RWDD1: variants seen among roughly 807,000 people sequenced by gnomAD.
RWDD1 encodes the protein RWD domain-containing protein 1.
Under a neutral mutation model 31.6 loss-of-function variants are expected in RWDD1, and 17 were observed. The observed-to-expected ratio is 0.54, with a 90% CI of 0.37 to 0.81. RWDD1 has a LOEUF of 0.81. Ranked by LOEUF, RWDD1 falls within the 30% of genes least tolerant of loss-of-function variation. The probability of loss-of-function intolerance (pLI) is 0.00; values close to 1 mark genes in which losing one functional copy is unlikely to be tolerated. For synonymous variants in RWDD1, 78 were observed against 94.2 expected (o/e 0.83, Z 0.99); for missense variants, 204 against 274.5 (o/e 0.74, Z 1.82).
In RWDD1 at chr6:116,571,611, A is replaced by G; in HGVS notation, c.29A>G (p.Asn10Ser). 6.2e-7 allele frequency: 1 copy of G among 1,613,732 alleles called. No individual in the cohort carries two copies. Among genetic ancestry groups the G allele is most frequent in the Non-Finnish European group, 8.5e-7 (1 of 1,179,902 alleles). ...ACAGATTACGGCGAGGAGCAGCGCA[A>G]CGAGCTGGAGGCCCTGGAGTCCATC... MTDYGEEQRNELEALESIYP... is the reference protein window; with the variant it reads MTDYGEEQRSELEALESIYP... The change falls in exon 1 of 7, where the codon AAC (asparagine) becomes AGC (serine). Residue 10 changes from asparagine (N) to serine (S), a missense_variant. Transcript: ENST00000466444.
chr6:116,587,103 G>A (rs577538878), intron 3 of RWDD1, among the ~76,000 whole-genome samples: 1 of 152,236 alleles, frequency 6.6e-6, no homozygotes. Flanking sequence ...TATTGGATAT[G>A]AAAGTTTTGT....
In RWDD1 at chr6:116,590,846, A is replaced by T. The variant is rs769809624; in HGVS notation, c.548-42A>T. The stretch of plus-strand genomic sequence containing the variant: ...AGTATTGTAGTGAAAATGGAGAAAA[A>T]CTATGCCATTTGAATTAAACATACT... On this transcript the variant is annotated intron_variant, in intron 5 of 6. Coordinates refer to ENST00000466444, the MANE Select transcript of RWDD1 (RefSeq NM_015952.4). The T allele has an allele frequency of 2.6e-6, 4 of 1,546,080 alleles. No individual in the cohort carries two copies. In the African/African-American group the frequency reaches 4.3e-5, roughly 17 times the overall value.
Position 116,571,517 on chromosome 6 carries a change from A to G in RWDD1, c.-66A>G. ...CCGCCGCCCGCTCTCCCGGCGCGGCAGCTGTCTGGGCTGCTGCGCGCCGCC... is the reference window on the plus strand; with the variant it reads ...CCGCCGCCCGCTCTCCCGGCGCGGCGGCTGTCTGGGCTGCTGCGCGCCGCC... On this transcript the variant is annotated 5_prime_UTR_variant, in exon 1 of 7. Coordinates refer to ENST00000466444, the MANE Select transcript of RWDD1 (RefSeq NM_015952.4). The G allele has an allele frequency of 6.6e-7, 1 of 1,510,142 alleles. No homozygotes were observed. The highest frequency in any genetic ancestry group is 1.2e-5 in the South Asian group (1 of 81,396). 93.5% of individuals were successfully genotyped at this position (1,510,142 alleles called of 1,614,324 possible). A position where few individuals can be genotyped will look rare whatever the true frequency, so the allele number is the denominator to read the frequency against.
chr6:116,584,308 T>A (rs571826342), intron 2 of RWDD1, among the ~76,000 whole-genome samples: 1 of 152,222 alleles, frequency 6.6e-6, no homozygotes, highest in Non-Finnish European at 1.5e-5. Context: ...TGGATTCAAA[T>A]ATAGATTCGA....
rs1377159490 is a variant in RWDD1 at position 116,596,917 on chromosome 6, A to G, written c.*3816A>G. The G allele has an allele frequency of 6.6e-6, 1 of 152,084 alleles. No homozygotes were observed. Among genetic ancestry groups the G allele is most frequent in the African/African-American group, 2.4e-5 (1 of 41,412 alleles). 9.4% of individuals were successfully genotyped at this position (152,084 alleles called of 1,614,324 possible). ...ATTTTAATATTCTGGCCAGCACCTTATCCATTTGTAGCCACGCCAACAAAT... is the reference window on the plus strand; with the variant it reads ...ATTTTAATATTCTGGCCAGCACCTTGTCCATTTGTAGCCACGCCAACAAAT... On this transcript the variant is annotated 3_prime_UTR_variant, in exon 7 of 7. Transcript: ENST00000466444.
chr6:116,573,421 A>G (rs1774782907), intron 1 of RWDD1, among the ~76,000 whole-genome samples: 1 of 152,218 alleles, frequency 6.6e-6, no homozygotes, highest in African/African-American at 2.4e-5. Context: ...GCATTATCAG[A>G]TGAGCCATCT....
chr6:116,589,049 G>GT (rs3830940), intron 4 of RWDD1, 64 bp downstream of exon 4: 1,016 of 1,139,342 alleles, frequency 8.9e-4, no homozygotes, highest in East Asian at 1.4e-3. Context: ...GCTTGGTTGG[G>GT]TTTTTTTTTA....
chr6:116,572,013 T>G (rs985562507), intron 1 of RWDD1, among the ~76,000 whole-genome samples: 26 of 152,134 alleles, frequency 1.7e-4, no homozygotes, highest in African/African-American at 6.0e-4. Context: ...GCAAGAATGT[T>G]AGTTTTCACA....
rs963224457 is a variant in RWDD1 at position 116,597,500 on chromosome 6, G to T, written c.*4399G>T. On this transcript the variant is annotated 3_prime_UTR_variant, in exon 7 of 7. Coordinates refer to ENST00000466444, the MANE Select transcript of RWDD1 (RefSeq NM_015952.4). ...TTCATCTCCCTGCATAAAGATGAAGGGTATTTAGCTCTGAAAATCCTTTAC... is the reference window on the plus strand; with the variant it reads ...TTCATCTCCCTGCATAAAGATGAAGTGTATTTAGCTCTGAAAATCCTTTAC... 2.6e-5 allele frequency: 4 copies of T among 151,896 alleles called. No individual in the cohort carries two copies. Among genetic ancestry groups the T allele is most frequent in the African/African-American group, 9.7e-5 (4 of 41,322 alleles). The allele number at this position is 151,896 out of a possible 1,614,324, so 9.4% of individuals were successfully genotyped here.
At chr6:116,580,898 C>T (rs1445168970) in intron 2 of RWDD1, among the ~76,000 whole-genome samples, 1 of 152,034 alleles carries the variant, frequency 6.6e-6, no homozygotes, top group Non-Finnish European at 1.5e-5. Flanking sequence ...GGAATGGTAT[C>T]TGAAGTTTAT....
At position 116,584,834 on chromosome 6, in the gene RWDD1, A is replaced by G; in HGVS notation, c.247A>G (p.Ile83Val). The G allele has an allele frequency of 3.1e-6, 5 of 1,590,924 alleles. No individual in the cohort carries two copies. The highest frequency in any genetic ancestry group is 4.3e-6 in the Non-Finnish European group (5 of 1,159,238). Residue 83 changes from isoleucine (I) to valine (V), a missense_variant, in exon 3 of 7, where the codon ATT becomes GTT. By Grantham distance (29) the Ile-to-Val change is conservative. Coordinates refer to ENST00000466444, the MANE Select transcript of RWDD1 (RefSeq NM_015952.4). ...TCTAGAAGATAATGATGTCTCAGAC[A>G]TTTTAAAATTACTAGCATTACAGGT... The part of the protein sequence containing the change: ...ENLEDNDVSD[I>V]LKLLALQAEE...
rs1277133193 is a variant in RWDD1 at position 116,590,380 on chromosome 6, C to A, written c.523C>A (p.Gln175Lys). 6.3e-7 allele frequency: 1 copy of A among 1,594,546 alleles called. No individual in the cohort carries two copies. The highest frequency in any genetic ancestry group is 8.5e-7 in the Non-Finnish European group (1 of 1,173,918). Reference protein sequence around the residue: ...IKKKRMKEEEQAGKNKLSGKQ... With the variant: ...IKKKRMKEEEKAGKNKLSGKQ... ...AAAGAAAAGGATGAAAGAAGAAGAA[C>A]AAGCAGGAAAAAATAAATTAAGTGG... is the stretch of plus-strand genomic sequence containing the variant. The change falls in exon 5 of 7, where the codon CAA becomes AAA. Residue 175 changes from glutamine (Q) to lysine (K), a missense_variant. By Grantham distance (53) the Gln-to-Lys change is moderately conservative (BLOSUM62 1). Coordinates refer to ENST00000466444, the MANE Select transcript of RWDD1 (RefSeq NM_015952.4).
chr6:116,583,660 T>G (rs542922979), intron 2 of RWDD1, among the ~76,000 whole-genome samples: 13 of 152,260 alleles, frequency 8.5e-5, no homozygotes, highest in African/African-American at 2.6e-4. Flanking sequence ...TATACAATTT[T>G]TATTTGTCAA....
intron 1 of RWDD1, among the ~76,000 whole-genome samples, chr6:116,577,477 CTCTT>C (rs1196686209): frequency 8.2e-6 from 1 of 122,534 alleles, no homozygotes; most frequent in African/African-American, 2.8e-5. Context: ...AAGCCCAGCT[CTCTT>C]TGCCACCATT....
intron 1 of RWDD1, among the ~76,000 whole-genome samples, chr6:116,575,229 G>A (rs1195996293): frequency 1.3e-5 from 2 of 152,126 alleles, no homozygotes; most frequent in African/African-American, 4.8e-5. Context: ...TGGGATTACA[G>A]GGTGTGCCAC....
intron 6 of RWDD1, 29 bp from the exon 7 acceptor site, chr6:116,592,951 T>G (rs1382971867): frequency 1.0e-6 from 1 of 1,000,370 alleles, no homozygotes; most frequent in African/African-American, 1.7e-5. Context: ...TAAAGGAGAT[T>G]TTTTTTTTTT....
rs769265266 is a variant in RWDD1, at chr6:116,580,265, T to C, written c.74-30T>C. On this transcript the variant is annotated intron_variant, in intron 1 of 6. Transcript: ENST00000466444. ...AAAAGCATCTGCCTTAGAAAGCATTTCAATAACTTCTGTGTGTATTTTCTT... is the reference window on the plus strand; with the variant it reads ...AAAAGCATCTGCCTTAGAAAGCATTCCAATAACTTCTGTGTGTATTTTCTT... The C allele has an allele frequency of 5.9e-6, 9 of 1,531,804 alleles. No individual in the cohort carries two copies. In the South Asian group the frequency reaches 8.3e-5, roughly 14 times the overall value. The allele number at this position is 1,531,804 out of a possible 1,614,324, so 94.9% of individuals were successfully genotyped here.
chr6:116,592,283 T>C (rs1775158735), intron 6 of RWDD1, among the ~76,000 whole-genome samples: 1 of 152,214 alleles, frequency 6.6e-6, no homozygotes, highest in African/African-American at 2.4e-5. Flanking sequence ...TGTATACTTC[T>C]ACCTAAAATT....
rs1198272449 is a variant in RWDD1, at chr6:116,595,677, ATAT to A, written c.*2578_*2580del. ...ATGCCTGGCATGCAGTAGGTCCCTA[ATAT>A]TTGTTGAATGAATGAATTATAGAAT... On this transcript the variant is annotated 3_prime_UTR_variant, in exon 7 of 7. Transcript: ENST00000466444. 6.6e-6 allele frequency: 1 copy of A among 152,226 alleles called. No individual in the cohort carries two copies. The highest frequency in any genetic ancestry group is 2.4e-5 in the African/African-American group (1 of 41,452). The allele number at this position is 152,226 out of a possible 1,614,324, so 9.4% of individuals were successfully genotyped here.
Sources: gnomAD v4.1 joint callset for allele counts (sites outside exome capture counted in the v4.1 genomes callset) on GRCh38, gnomAD v4.1.1 for gene constraint, MANE v1.5 for transcripts, NCBI Gene and HGNC (gene_info 2026-07-23, HGNC 2026-07-21) for gene names.